Variants in DAB1 observed in about 807,000 individuals in gnomAD.
The protein encoded by DAB1 is disabled homolog 1.
In DAB1, 15 loss-of-function variants were observed where a neutral mutation model predicts 64.6. The ratio of observed to expected loss-of-function variants is 0.23; its 90% CI spans 0.16 to 0.36. The LOEUF is 0.36. Among genes scored for constraint, DAB1 ranks in the 10% least tolerant of loss-of-function variants. The probability of loss-of-function intolerance (pLI) is 1.00; values close to 1 mark genes in which losing one functional copy is unlikely to be tolerated. For synonymous variants in DAB1, 235 were observed against 251.9 expected (o/e 0.93, Z 0.64); for missense variants, 596 against 706.7 (o/e 0.84, Z 1.78).
rs150086838 is a variant in DAB1 at position 57,799,765 on chromosome 1, G to A, written n.551+84234C>T. On this transcript the variant is annotated intron_variant and non_coding_transcript_variant, in intron 6 of 20. Transcript: ENST00000485760. ...AAAATAATCAAAAGAATAATTTTTC[G>A]TGACACATGAAAATTATATGAAATT... Among the ~76,000 whole-genome samples, 164 of 152,118 alleles carry A rather than the reference G, an allele frequency of 1.1e-3. 2 individuals are homozygous for A. The East Asian group carries it at 0.028, about 26-fold the overall frequency.
At chr1:57,508,022 G>A (rs1055441429) in intron 7 of DAB1, among the ~76,000 whole-genome samples, 5 of 152,202 alleles carry the variant, frequency 3.3e-5, no homozygotes, top group Non-Finnish European at 7.3e-5. Context: ...TGTGGCCCAT[G>A]ACTATGTGTT....
intron 2 of DAB1, among the ~76,000 whole-genome samples, chr1:57,265,094 A>G (rs962518007): frequency 6.6e-6 from 1 of 152,208 alleles, no homozygotes; most frequent in African/African-American, 2.4e-5. Context: ...AGTAGGGAAC[A>G]GCAGCCCCAG....
At chr1:57,247,691 C>A (rs776960167) in intron 2 of DAB1, among the ~76,000 whole-genome samples, 9 of 152,168 alleles carry the variant, frequency 5.9e-5, no homozygotes, top group Non-Finnish European at 1.0e-4. Context: ...TCTAGGCTTC[C>A]TTGTTGTTAG....
Position 57,000,731 on chromosome 1 carries a change from T to C in DAB1, c.*16-2603A>G, listed in dbSNP as rs374277475. On this transcript the variant is annotated intron_variant, in intron 14 of 14. Coordinates refer to ENST00000371236, the MANE Select transcript of DAB1 (RefSeq NM_001365792.1). ...TTCAAGCACGCATATTAATGTTTCCTGGATAGATGTTCTCAGCTCATTCTT... is the reference window on the plus strand; with the variant it reads ...TTCAAGCACGCATATTAATGTTTCCCGGATAGATGTTCTCAGCTCATTCTT... 1.1e-3 allele frequency among the ~76,000 whole-genome samples: 166 copies of C among 152,336 alleles called. 3 individuals are homozygous for C. In the South Asian group the frequency reaches 0.032, roughly 30 times the overall value.
At chr1:58,102,628 G>C (rs538172207) in intron 5 of DAB1, among the ~76,000 whole-genome samples, 1 of 152,160 alleles carries the variant, frequency 6.6e-6, no homozygotes, top group African/African-American at 2.4e-5. Flanking sequence ...TTTCTTACTG[G>C]AACAATAAAA....
intron 2 of DAB1, among the ~76,000 whole-genome samples, chr1:57,187,644 T>C (rs1480957910): frequency 6.6e-6 from 1 of 152,196 alleles, no homozygotes; most frequent in Non-Finnish European, 1.5e-5. Context: ...TGAAAATACA[T>C]GACACTTTTA....
intron 5 of DAB1, among the ~76,000 whole-genome samples, chr1:58,096,537 A>G (rs1324268542): frequency 6.6e-6 from 1 of 152,236 alleles, no homozygotes; most frequent in Non-Finnish European, 1.5e-5. Flanking sequence ...ATTGGATAAA[A>G]GTAGTCATTA....
chr1:57,860,994 G>A (rs1395888301), intron 1 of DAB1: 4 of 152,244 alleles, frequency 2.6e-5, no homozygotes, highest in African/African-American at 4.8e-5. Context: ...GTGACCTGTT[G>A]AGCAAACAGC....
intron 4 of DAB1, among the ~76,000 whole-genome samples, chr1:58,320,142 A>T (rs1662648812): frequency 6.6e-6 from 1 of 152,228 alleles, no homozygotes; most frequent in Non-Finnish European, 1.5e-5. Flanking sequence ...AAGAACATAG[A>T]GTGTGAAGAG....
chr1:58,013,657 C>T (rs145695319), intron 5 of DAB1, among the ~76,000 whole-genome samples: 12 of 152,306 alleles, frequency 7.9e-5, no homozygotes, highest in African/African-American at 2.9e-4. Context: ...AGAGCTGCTC[C>T]TACCTTGGTC....
intron 7 of DAB1, among the ~76,000 whole-genome samples, chr1:57,576,122 T>C (rs1482483931): frequency 6.6e-6 from 1 of 152,194 alleles, no homozygotes; most frequent in Non-Finnish European, 1.5e-5. Flanking sequence ...TAGATTTTGA[T>C]CTTTTATTTT....
intron 6 of DAB1, among the ~76,000 whole-genome samples, chr1:57,780,420 C>A (rs1650007729): frequency 6.6e-6 from 1 of 152,086 alleles, no homozygotes; most frequent in African/African-American, 2.4e-5. Context: ...TCAGAGAGGG[C>A]TGTTGTCTTG....
intron 1 of DAB1, among the ~76,000 whole-genome samples, chr1:57,333,134 C>G (rs1676812820): frequency 6.6e-6 from 1 of 152,176 alleles, no homozygotes. Flanking sequence ...CTGTAATGAT[C>G]TGCTCATTTG....
At chr1:57,424,708 G>T (rs1378611130), upstream of DAB1, among the ~76,000 whole-genome samples, 1 of 152,206 alleles carries the variant, frequency 6.6e-6, no homozygotes, top group Non-Finnish European at 1.5e-5. Flanking sequence ...AGGAGGGGGC[G>T]CTCGCTCCCA....
chr1:57,650,409 T>G (rs937346630), intron 6 of DAB1, among the ~76,000 whole-genome samples: 3 of 152,076 alleles, frequency 2.0e-5, no homozygotes, highest in African/African-American at 7.2e-5. Context: ...GGTATTTACG[T>G]ACAGGGATAT....
At chr1:57,468,212 G>T (rs774153239) in intron 7 of DAB1, among the ~76,000 whole-genome samples, 6 of 152,130 alleles carry the variant, frequency 3.9e-5, no homozygotes, top group African/African-American at 7.2e-5. Context: ...AGTGAGTCAA[G>T]GAATAAATGA....
chr1:57,036,031 C>T (rs570016681), intron 9 of DAB1, among the ~76,000 whole-genome samples: 7 of 151,532 alleles, frequency 4.6e-5, no homozygotes, highest in South Asian at 4.2e-4. Context: ...TTAGTAGAGA[C>T]GGGGTTTTGC....
intron 5 of DAB1, chr1:58,074,564 G>GTGTGTGTATATA (rs1332531604): frequency 3.3e-5 from 3 of 91,640 alleles, no homozygotes; most frequent in Admixed American, 1.3e-4. Context: ...ATATATGTGT[G>GTGTGTGTATATA]TATATATATA....
At chr1:57,396,847 C>T (rs1682849866) in intron 1 of DAB1, among the ~76,000 whole-genome samples, 1 of 152,110 alleles carries the variant, frequency 6.6e-6, no homozygotes, top group African/African-American at 2.4e-5. Flanking sequence ...AGTCACTTGT[C>T]CATACTAATC....
Sources: gnomAD v4.1 joint callset for allele counts (sites outside exome capture counted in the v4.1 genomes callset) on GRCh38, gnomAD v4.1.1 for gene constraint, MANE v1.5 for transcripts, NCBI Gene and HGNC (gene_info 2026-07-23, HGNC 2026-07-21) for gene names.